Variants in COL25A1 observed in about 807,000 individuals in gnomAD.
COL25A1 encodes the protein collagen type XXV alpha 1 chain.
Under a neutral mutation model 128.4 loss-of-function variants are expected in COL25A1, and 103 were observed. That is an observed-to-expected ratio of 0.80 (90% CI 0.68 to 0.94). The LOEUF (loss-of-function observed/expected upper bound fraction) is 0.94. COL25A1 is among the 40% of genes least tolerant of loss of function. COL25A1 has a pLI of 0.00. For missense variants in COL25A1, 745 were observed against 840.0 expected, an observed-to-expected ratio of 0.89 and a Z score of 1.40; for synonymous variants, 279 against 277.2, an observed-to-expected ratio of 1.01 and a Z score of -0.06.
At chr4:108,974,656 C>A in intron 6 of COL25A1, 97 bp from the exon 7 acceptor site, 1 of 988,682 alleles carries the variant, frequency 1.0e-6, no homozygotes, top group Non-Finnish European at 1.5e-6. Flanking sequence ...TCAAAGAATA[C>A]AGAGATAGCT....
chr4:108,899,290 T>C (rs6830868), intron 14 of COL25A1, 110 bp from the exon 15 acceptor site: 528,593 of 927,534 alleles, frequency 0.57, 158,397 homozygotes, highest in East Asian at 1. Context: ...ATGCATGACA[T>C]TTTCTATTTT....
At chr4:109,142,093 T>C (rs916938038) in intron 3 of COL25A1, among the ~76,000 whole-genome samples, 3 of 152,218 alleles carry the variant, frequency 2.0e-5, no homozygotes, top group African/African-American at 7.2e-5. Context: ...TAAACACTGC[T>C]TTAGCTGTGT....
chr4:109,153,108 G>A (rs887433802), intron 3 of COL25A1, among the ~76,000 whole-genome samples: 4 of 152,000 alleles, frequency 2.6e-5, no homozygotes, highest in Non-Finnish European at 5.9e-5. Context: ...ACTCTGGGCC[G>A]GGCGCAGTGG....
At chr4:108,998,552 A>G (rs1388288459) in intron 6 of COL25A1, among the ~76,000 whole-genome samples, 1 of 152,218 alleles carries the variant, frequency 6.6e-6, no homozygotes, top group Non-Finnish European at 1.5e-5. Flanking sequence ...AAGGTAATTT[A>G]TAGATTCAAT....
intron 3 of COL25A1, among the ~76,000 whole-genome samples, chr4:109,245,597 C>T (rs992838167): frequency 6.6e-6 from 1 of 152,086 alleles, no homozygotes; most frequent in African/African-American, 2.4e-5. Context: ...ATATGAATAC[C>T]TGCTATGAAC....
intron 8 of COL25A1, among the ~76,000 whole-genome samples, chr4:108,950,547 C>A (rs28690456): frequency 0.043 from 6,615 of 152,226 alleles, 368 homozygotes; most frequent in African/African-American, 0.13. Context: ...CTGGAAAAAC[C>A]CAGAAAATAT....
intron 3 of COL25A1, among the ~76,000 whole-genome samples, chr4:109,156,695 A>T (rs1234748895): frequency 6.6e-6 from 1 of 152,174 alleles, no homozygotes; most frequent in African/African-American, 2.4e-5. Context: ...TTCAACTATA[A>T]ATCACAAAGA....
At chr4:109,225,947 T>C (rs1429994014) in intron 3 of COL25A1, among the ~76,000 whole-genome samples, 1 of 151,864 alleles carries the variant, frequency 6.6e-6, no homozygotes, top group African/African-American at 2.4e-5. Flanking sequence ...TATATAAATA[T>C]ATGCATACTA....
At chr4:109,249,554 A>G (rs2126241091) in intron 3 of COL25A1, among the ~76,000 whole-genome samples, 1 of 152,314 alleles carries the variant, frequency 6.6e-6, no homozygotes, top group South Asian at 2.1e-4. Context: ...ACAGTAAATA[A>G]TCATAATTCC....
At chr4:109,099,052 C>A (rs1467513482) in intron 3 of COL25A1, among the ~76,000 whole-genome samples, 1 of 152,170 alleles carries the variant, frequency 6.6e-6, no homozygotes, top group African/African-American at 2.4e-5. Flanking sequence ...GGGCACACAG[C>A]AAATACACAA....
rs982513132 is a variant in COL25A1 at position 108,948,441 on chromosome 4, T to G, written c.493-7004A>C. Reference sequence around the variant, plus strand: ...CCTTCTGTAGTTGAATATAATATTTTCAACTGGCTCAAAAAGTTACTATTT... The same window carrying G: ...CCTTCTGTAGTTGAATATAATATTTGCAACTGGCTCAAAAAGTTACTATTT... On this transcript the variant is annotated intron_variant, in intron 8 of 37. Coordinates refer to ENST00000399132, the MANE Select transcript of COL25A1 (RefSeq NM_198721.4). 9.9e-5 allele frequency among the ~76,000 whole-genome samples: 15 copies of G among 152,280 alleles called. No individual in the cohort carries two copies. The East Asian group carries it at 2.9e-3, about 29-fold the overall frequency.
At chr4:108,905,133 T>C (rs1447912706) in intron 13 of COL25A1, among the ~76,000 whole-genome samples, 1 of 152,048 alleles carries the variant, frequency 6.6e-6, no homozygotes, top group African/African-American at 2.4e-5. Flanking sequence ...TTTCTGGAAA[T>C]TGGAATGAGA....
chr4:109,211,352 GT>G (rs1318834933), intron 3 of COL25A1, among the ~76,000 whole-genome samples: 1 of 120,032 alleles, frequency 8.3e-6, no homozygotes, highest in African/African-American at 2.8e-5. Flanking sequence ...AATACAAAAA[GT>G]ATTTTTTAAA....
intron 6 of COL25A1, among the ~76,000 whole-genome samples, chr4:108,987,860 A>G (rs1753803469): frequency 6.6e-6 from 1 of 152,194 alleles, no homozygotes; most frequent in Non-Finnish European, 1.5e-5. Flanking sequence ...ACTCATCTCC[A>G]TGATCTCGCT....
chr4:108,855,011 G>A (rs1001817880), intron 24 of COL25A1, among the ~76,000 whole-genome samples: 2 of 152,086 alleles, frequency 1.3e-5, no homozygotes, highest in Admixed American at 1.3e-4. Context: ...GTTCTGTGCT[G>A]AAAGTTCTAT....
chr4:109,093,459 A>AAAAACAAAAC (rs1553930992), intron 3 of COL25A1, among the ~76,000 whole-genome samples: 124 of 122,046 alleles, frequency 1.0e-3, no homozygotes, highest in African/African-American at 3.4e-3. Flanking sequence ...ATCTCTATGA[A>AAAAACAAAAC]AAAAAAAAAA....
intron 3 of COL25A1, among the ~76,000 whole-genome samples, chr4:109,236,293 A>C (rs1046149232): frequency 7.2e-5 from 11 of 152,098 alleles, no homozygotes; most frequent in Non-Finnish European, 1.6e-4. Flanking sequence ...TTTTTCCAGA[A>C]TATATTTGCC....
intron 3 of COL25A1, among the ~76,000 whole-genome samples, chr4:109,277,802 A>G (rs1489036874): frequency 6.6e-6 from 1 of 152,198 alleles, no homozygotes; most frequent in Non-Finnish European, 1.5e-5. Context: ...CATGACTTGC[A>G]TGTAAATATA....
chr4:108,983,004 A>G (rs1368754340), intron 6 of COL25A1, among the ~76,000 whole-genome samples: 1 of 152,212 alleles, frequency 6.6e-6, no homozygotes, highest in Non-Finnish European at 1.5e-5. Context: ...CAATGGAGTT[A>G]AAGGCTTATA....
Sources: gnomAD v4.1 joint callset for allele counts (sites outside exome capture counted in the v4.1 genomes callset) on GRCh38, gnomAD v4.1.1 for gene constraint, MANE v1.5 for transcripts, NCBI Gene and HGNC (gene_info 2026-07-23, HGNC 2026-07-21) for gene names.